The following HECW1 variants were observed in gnomAD, a reference collection of about 807,000 sequenced individuals.
The protein encoded by HECW1 is HECT, C2 and WW domain containing E3 ubiquitin protein ligase 1.
A neutral mutation model predicts 182.3 loss-of-function variants in HECW1; 61 were observed. The ratio of observed to expected loss-of-function variants is 0.33; its 90% CI spans 0.27 to 0.41. The LOEUF (loss-of-function observed/expected upper bound fraction) is 0.41, where lower values mean the gene tolerates loss of function less well. Among genes scored for constraint, HECW1 ranks in the 10% least tolerant of loss-of-function variants. The pLI is 1.00. For missense variants in HECW1, 1,739 were observed against 2,108.9 expected, an observed-to-expected ratio of 0.82 and a Z score of 3.44; for synonymous variants, 859 against 832.6, an observed-to-expected ratio of 1.03 and a Z score of -0.55.
At position 43,301,890 on chromosome 7, in the gene HECW1, A is replaced by AG. The variant is rs1554347099; in HGVS notation, c.28-9872dup. 3.4e-3 allele frequency among the ~76,000 whole-genome samples: 519 copies of AG among 150,520 alleles called. 6 individuals are homozygous for AG. The highest frequency in any genetic ancestry group is 0.012 in the African/African-American group (492 of 40,770). ...AAACTCTGTCAAAAAAAAAAAAAAA[A>AG]GAAGCAGGAGAATAAAACCAAAGAC... On this transcript the variant is annotated intron_variant, in intron 3 of 29. Coordinates refer to ENST00000395891, the MANE Select transcript of HECW1 (RefSeq NM_015052.5).
intron 6 of HECW1, among the ~76,000 whole-genome samples, chr7:43,364,260 C>T (rs2152815047): frequency 6.6e-6 from 1 of 152,278 alleles, no homozygotes; most frequent in East Asian, 1.9e-4. Context: ...TTCTTTTTCT[C>T]ATTGTCTTGT....
In HECW1 at chr7:43,444,451, G is replaced by C; in HGVS notation, c.1279G>C (p.Asp427His). ...AGCAGCAGTCATCACGGAGGCAGGA[G>C]ACCAGGGCATGGTCTCTGTGGGACC... is the stretch of plus-strand genomic sequence containing the variant. ...EEAAVITEAG[D>H]QGMVSVGPEG... The change falls in exon 11 of 30, where the codon GAC (aspartate) becomes CAC (histidine). Residue 427 changes from aspartate to histidine, a missense_variant. This residue lies in a region of HECW1 where 971 missense variants were observed against 1,029.1 expected (regional missense o/e 0.94). Coordinates refer to ENST00000395891, the MANE Select transcript of HECW1 (RefSeq NM_015052.5). The surrounding 1 kb of genome is among the most constrained non-coding windows in gnomAD (Gnocchi z 4.3). 1 of 1,613,780 alleles carries C rather than the reference G, an allele frequency of 6.2e-7. No individual in the cohort carries two copies. Among genetic ancestry groups the C allele is most frequent in the Non-Finnish European group, 8.5e-7 (1 of 1,179,888 alleles).
chr7:43,554,866 A>C, intron 29 of HECW1, 76 bp downstream of exon 29: 1 of 1,351,252 alleles, frequency 7.4e-7, no homozygotes, highest in Non-Finnish European at 1.0e-6. Context: ...ATTTTGAGTG[A>C]CCATCCTTTG....
chr7:43,542,146 T>A (rs923394993), intron 26 of HECW1, 148 bp downstream of exon 26: 1 of 644,052 alleles, frequency 1.6e-6, no homozygotes. Flanking sequence ...CTCCAGAACT[T>A]TTTCATCTTG....
intron 24 of HECW1, among the ~76,000 whole-genome samples, chr7:43,515,588 G>A (rs2080108054): frequency 6.6e-6 from 1 of 152,112 alleles, no homozygotes; most frequent in Admixed American, 6.5e-5. Context: ...AAATGACACT[G>A]GTGAGCACCT....
intron 16 of HECW1, 29 bp downstream of exon 16, chr7:43,469,134 A>G (rs2077910528): frequency 2.5e-6 from 4 of 1,605,522 alleles, no homozygotes; most frequent in African/African-American, 1.3e-5. Context: ...CGGGGCTTTC[A>G]TCAAACAGGC....
At chr7:43,276,955 A>T (rs1399758510) in intron 3 of HECW1, among the ~76,000 whole-genome samples, 1 of 152,192 alleles carries the variant, frequency 6.6e-6, no homozygotes, top group Non-Finnish European at 1.5e-5. Context: ...ACTTCGCCAG[A>T]TTATATTTGT....
chr7:43,517,202 T>C (rs868406379), intron 24 of HECW1, among the ~76,000 whole-genome samples: 13 of 152,342 alleles, frequency 8.5e-5, no homozygotes, highest in African/African-American at 3.1e-4. Flanking sequence ...AAAATGTCTG[T>C]GAGCTCATTT....
intron 6 of HECW1, among the ~76,000 whole-genome samples, chr7:43,384,515 T>A (rs762569334): frequency 2.6e-5 from 4 of 152,120 alleles, no homozygotes; most frequent in African/African-American, 4.8e-5. Flanking sequence ...GGAAAAAAGA[T>A]GTTACATTAG....
chr7:43,435,773 T>G (rs2076690520), intron 8 of HECW1, among the ~76,000 whole-genome samples: 1 of 152,206 alleles, frequency 6.6e-6, no homozygotes, highest in South Asian at 2.1e-4. Flanking sequence ...TGGCTGTTAG[T>G]GCAGCATGCC....
chr7:43,305,555 CA>C (rs1465767504), intron 3 of HECW1, among the ~76,000 whole-genome samples: 4 of 151,978 alleles, frequency 2.6e-5, no homozygotes, highest in African/African-American at 9.7e-5. Context: ...GGTTTTCTAG[CA>C]ACCTGAGAAT....
At position 43,146,220 on chromosome 7, in the gene HECW1, T is replaced by G. The variant is rs150674303; in HGVS notation, c.-32+31829T>G. On this transcript the variant is annotated intron_variant, in intron 2 of 29. Transcript: ENST00000395891. The stretch of plus-strand genomic sequence containing the variant: ...TTAGGGTTTCTCCACCTTGGCACTA[T>G]TGACATTCTGGGTCCAATAATTCTT... Among the ~76,000 whole-genome samples, 1,155 of 152,354 alleles carry G rather than the reference T, an allele frequency of 7.6e-3. 3 individuals are homozygous for G. Among genetic ancestry groups the G allele is most frequent in the Non-Finnish European group, 0.01 (713 of 68,034 alleles).
chr7:43,377,590 A>G (rs1485205101), intron 6 of HECW1, among the ~76,000 whole-genome samples: 7 of 152,218 alleles, frequency 4.6e-5, no homozygotes, highest in Non-Finnish European at 8.8e-5. Flanking sequence ...TTCCTGAAAG[A>G]GTCCAAAAAA....
At chr7:43,425,521 G>A (rs898899302) in intron 8 of HECW1, among the ~76,000 whole-genome samples, 4 of 152,098 alleles carry the variant, frequency 2.6e-5, no homozygotes, top group African/African-American at 4.8e-5. Flanking sequence ...TGGAATTGTG[G>A]TTTGAGGGTC....
chr7:43,422,449 G>C (rs898191631), intron 8 of HECW1, among the ~76,000 whole-genome samples: 7 of 149,108 alleles, frequency 4.7e-5, no homozygotes, highest in Non-Finnish European at 1.0e-4. Context: ...TGCAACCTCC[G>C]TCTCTTGGGT....
At chr7:43,165,095 G>GT (rs1210601074) in intron 2 of HECW1, among the ~76,000 whole-genome samples, 1 of 152,168 alleles carries the variant, frequency 6.6e-6, no homozygotes, top group Non-Finnish European at 1.5e-5. Context: ...GGTTTCAATA[G>GT]TAAGGCCTTC....
chr7:43,163,613 C>G (rs1311990323), intron 2 of HECW1, among the ~76,000 whole-genome samples: 5 of 152,182 alleles, frequency 3.3e-5, no homozygotes, highest in Non-Finnish European at 5.9e-5. Flanking sequence ...CCATTCCCAG[C>G]CGTCAGCCAG....
At chr7:43,404,461 G>A (rs777024091) in intron 7 of HECW1, among the ~76,000 whole-genome samples, 46 of 152,162 alleles carry the variant, frequency 3.0e-4, no homozygotes, top group Non-Finnish European at 6.2e-4. Context: ...ATAAATGGCT[G>A]AGTGATAAAG....
chr7:43,417,775 A>T (rs1271298043), intron 8 of HECW1, among the ~76,000 whole-genome samples: 2 of 152,118 alleles, frequency 1.3e-5, no homozygotes, highest in Non-Finnish European at 2.9e-5. Context: ...GATTTAAATC[A>T]TTGTTGCTTT....
Sources: allele counts gnomAD v4.1 joint callset (sites outside exome capture counted in the v4.1 genomes callset), GRCh38; gene constraint gnomAD v4.1.1; regional missense constraint gnomAD v4.1.1; non-coding constraint Gnocchi (gnomAD v3.1); transcripts MANE v1.5; gene names NCBI Gene and HGNC (gene_info 2026-07-23, HGNC 2026-07-21).